The following FLT4 variants were observed in gnomAD, a reference collection of about 807,000 sequenced individuals.
The protein encoded by FLT4 is vascular endothelial growth factor receptor 3.
Under a neutral mutation model 163.2 loss-of-function variants are expected in FLT4, and 30 were observed. That is an observed-to-expected ratio of 0.18 (90% CI 0.14 to 0.25). FLT4 has a LOEUF of 0.25. Among genes scored for constraint, FLT4 ranks in the 10% least tolerant of loss-of-function variants. The pLI, the probability that FLT4 is intolerant of heterozygous loss-of-function variation, is 1.00. For synonymous variants in FLT4, 884 were observed against 789.5 expected (o/e 1.12, Z -2.01); for missense variants, 1,510 against 1,863.8 (o/e 0.81, Z 3.50).
chr5:180,607,659 A>G (rs2127785852), intron 29 of FLT4, among the ~76,000 whole-genome samples: 1 of 134,754 alleles, frequency 7.4e-6, no homozygotes, highest in East Asian at 2.2e-4. Flanking sequence ...AAATACATAC[A>G]TACATATATA....
At chr5:180,642,929 G>T (rs1328437809) in intron 1 of FLT4, among the ~76,000 whole-genome samples, 1 of 152,204 alleles carries the variant, frequency 6.6e-6, no homozygotes, top group Non-Finnish European at 1.5e-5. Context: ...CTACGCATGT[G>T]TGCATTCCAC....
intron 1 of FLT4, among the ~76,000 whole-genome samples, chr5:180,647,715 T>C (rs1765551796): frequency 1.3e-5 from 2 of 152,020 alleles, no homozygotes; most frequent in Admixed American, 1.3e-4. Flanking sequence ...CACGGAGGGA[T>C]GACCTCTGTC....
Position 180,620,762 on chromosome 5 carries a change from G to T in FLT4, c.2300-47C>A. 1.3e-6 allele frequency: 2 copies of T among 1,588,648 alleles called. 1 individual carries two copies. ...GGCGTGTGTGTGTGTGTGTGTAAGAGCGTGCACCTGCAGGCAGCACCCCTT... is the reference window on the plus strand; with the variant it reads ...GGCGTGTGTGTGTGTGTGTGTAAGATCGTGCACCTGCAGGCAGCACCCCTT... On this transcript the variant is annotated intron_variant, in intron 15 of 29. Coordinates refer to ENST00000261937, the MANE Select transcript of FLT4 (RefSeq NM_182925.5). The surrounding 1 kb of genome is among the most constrained non-coding windows in gnomAD (Gnocchi z 4.4).
chr5:180,648,572 C>G (rs532213264), intron 1 of FLT4, among the ~76,000 whole-genome samples: 1 of 152,272 alleles, frequency 6.6e-6, no homozygotes, highest in African/African-American at 2.4e-5. Flanking sequence ...CCTTTGATTT[C>G]CAGGGACACC....
intron 1 of FLT4, among the ~76,000 whole-genome samples, chr5:180,634,369 G>A (rs1003815224): frequency 2.3e-4 from 35 of 152,160 alleles, no homozygotes; most frequent in Admixed American, 2.0e-3. Context: ...CTAAGCCCAA[G>A]ACAGAGATGT....
At chr5:180,615,299 G>A (rs1221775925) in intron 23 of FLT4, among the ~76,000 whole-genome samples, 1 of 89,488 alleles carries the variant, frequency 1.1e-5, no homozygotes, top group African/African-American at 3.8e-5. Flanking sequence ...ACTGGGCCCC[G>A]CCGGTCACCT....
intron 1 of FLT4, among the ~76,000 whole-genome samples, chr5:180,644,807 G>A (rs1256560810): frequency 6.6e-6 from 1 of 152,270 alleles, no homozygotes; most frequent in Non-Finnish European, 1.5e-5. Context: ...GTAGAATTTA[G>A]AGTAGCTTCG....
chr5:180,609,080 T>C, intron 28 of FLT4, 27 bp from the exon 29 acceptor site: 1 of 1,605,870 alleles, frequency 6.2e-7, no homozygotes, highest in African/African-American at 1.3e-5. Context: ...AGCCAGGCTG[T>C]GGGTCCCGCC....
intron 21 of FLT4, 44 bp from the exon 22 acceptor site, chr5:180,617,038 G>C: frequency 1.4e-6 from 2 of 1,408,624 alleles, no homozygotes; most frequent in Non-Finnish European, 2.0e-6. Context: ...CCTCCTCCGC[G>C]GCCTCCATCT....
intron 8 of FLT4, among the ~76,000 whole-genome samples, chr5:180,626,599 G>C (rs1763636929): frequency 6.6e-6 from 1 of 152,182 alleles, no homozygotes; most frequent in African/African-American, 2.4e-5. Flanking sequence ...TTCTCTCCCT[G>C]CCTGTGGCTG....
Position 180,623,940 on chromosome 5 carries a change from T to A in FLT4, c.1543A>T (p.Asn515Tyr). The A allele has an allele frequency of 6.2e-7, 1 of 1,613,580 alleles. No individual in the cohort carries two copies. Among genetic ancestry groups the A allele is most frequent in the Non-Finnish European group, 8.5e-7 (1 of 1,179,988 alleles). The change falls in exon 11 of 30, where the codon AAT becomes TAT. Residue 515 changes from asparagine (N) to tyrosine (Y), a missense_variant. This residue lies in a region of FLT4 where 878 missense variants were observed against 1,016.7 expected (regional missense o/e 0.86). Coordinates refer to ENST00000261937, the MANE Select transcript of FLT4 (RefSeq NM_182925.5). The surrounding 1 kb of genome is among the most constrained non-coding windows in gnomAD (Gnocchi z 5.8). ...GCAGCGCGGCTGGCCTGTACCTTATTCTTTCCCTCCACAAACTCGGTCCAG... is the reference window on the plus strand; with the variant it reads ...GCAGCGCGGCTGGCCTGTACCTTATACTTTCCCTCCACAAACTCGGTCCAG... The part of the protein sequence containing the change: ...DTWTEFVEGK[N>Y]KTVSKLVIQN...
chr5:180,649,978 C>T (rs931100699), upstream of FLT4, among the ~76,000 whole-genome samples: 1 of 151,936 alleles, frequency 6.6e-6, no homozygotes, highest in Non-Finnish European at 1.5e-5. Flanking sequence ...ATAGTGGCAC[C>T]AGCCGGCGTA....
chr5:180,621,635 C>T lies in FLT4; in HGVS notation c.1927G>A (p.Val643Ile), dbSNP rs150093355. ...HATLSLSIPR[V>I]APEHEGHYVC... is the part of the protein sequence containing the mutation. ...TAGTGGCCCTCGTGCTCGGGCGCGA[C>T]GCGGGGGATACTCAGGCTGAGCGTG... The change falls in exon 13 of 30, where the codon GTC becomes ATC. Residue 643 changes from valine (V) to isoleucine (I), a missense_variant. Transcript: ENST00000261937. The T allele has an allele frequency of 4.2e-5, 68 of 1,606,388 alleles. No homozygotes were observed. The highest frequency in any genetic ancestry group is 5.3e-5 in the Non-Finnish European group (62 of 1,175,208).
intron 28 of FLT4, chr5:180,609,489 G>A (rs1368164095): frequency 5.6e-6 from 2 of 355,382 alleles, no homozygotes; most frequent in Non-Finnish European, 1.1e-5. Context: ...TACACGGGAG[G>A]GAAACTGCGA....
chr5:180,639,759 C>A (rs1016679699), intron 1 of FLT4, among the ~76,000 whole-genome samples: 1 of 152,178 alleles, frequency 6.6e-6, no homozygotes, highest in African/African-American at 2.4e-5. Flanking sequence ...TGCCCAGCCC[C>A]CACCTGCAGC....
chr5:180,649,620 G>A, upstream of FLT4: 2 of 852,424 alleles, frequency 2.3e-6, no homozygotes, highest in Non-Finnish European at 3.0e-6. Context: ...GGCGCCGGCT[G>A]GCCTGGGGCG....
intron 27 of FLT4, 99 bp from the exon 28 acceptor site, chr5:180,610,124 C>A (rs1044248124): frequency 3.8e-6 from 6 of 1,559,400 alleles, no homozygotes; most frequent in Non-Finnish European, 5.3e-6. Flanking sequence ...CTGGAAAGGA[C>A]CCCCCGCCTG....
Position 180,630,208 on chromosome 5 carries a change from T to C in FLT4, c.513+17A>G, listed in dbSNP as rs761464138. The C allele has an allele frequency of 1.2e-6, 2 of 1,609,650 alleles. No homozygotes were observed. Among genetic ancestry groups the C allele is most frequent in the Non-Finnish European group, 8.5e-7 (1 of 1,177,954 alleles). ...GGGATGGGAGGGTCGGATGCTGGGG[T>C]TGGGGTGGGGCCGTACCGAGCGCAG... On this transcript the variant is annotated intron_variant, in intron 4 of 29. Coordinates refer to ENST00000261937, the MANE Select transcript of FLT4 (RefSeq NM_182925.5). This position sits in a 1 kb window ranked among gnomAD's most constrained non-coding sequence, Gnocchi z 6.3.
intron 1 of FLT4, among the ~76,000 whole-genome samples, chr5:180,642,242 C>T (rs1449420477): frequency 6.6e-6 from 1 of 151,682 alleles, no homozygotes; most frequent in Non-Finnish European, 1.5e-5. Context: ...GTCTCTGGCT[C>T]ATGCACACGG....
Sources: allele counts gnomAD v4.1 joint callset (sites outside exome capture counted in the v4.1 genomes callset), GRCh38; gene constraint gnomAD v4.1.1; regional missense constraint gnomAD v4.1.1; non-coding constraint Gnocchi (gnomAD v3.1); transcripts MANE v1.5; gene names NCBI Gene and HGNC (gene_info 2026-07-23, HGNC 2026-07-21).